Variants in PPP2R1A observed in about 807,000 individuals in gnomAD.
The protein encoded by PPP2R1A is serine/threonine-protein phosphatase 2A 65 kDa regulatory subunit A alpha isoform.
Under a neutral mutation model 67.1 loss-of-function variants are expected in PPP2R1A, and 15 were observed. The observed-to-expected ratio is 0.22, with a 90% CI of 0.15 to 0.34. PPP2R1A has a LOEUF of 0.34. Among genes scored for constraint, PPP2R1A ranks in the 10% least tolerant of loss-of-function variants. The pLI, the probability that PPP2R1A is intolerant of heterozygous loss-of-function variation, is 1.00. For missense variants in PPP2R1A, 369 were observed against 775.0 expected, an observed-to-expected ratio of 0.48 and a Z score of 6.22; for synonymous variants, 337 against 325.0, an observed-to-expected ratio of 1.04 and a Z score of -0.40.
chr19:52,201,374 T>C (rs2089547238), intron 1 of PPP2R1A: 1 of 152,436 alleles, frequency 6.6e-6, no homozygotes, highest in African/African-American at 2.4e-5. Flanking sequence ...GTTTGTTCTT[T>C]TACAATCACT....
At chr19:52,190,423 T>G (rs1301208371) in intron 1 of PPP2R1A, 12 of 565,770 alleles carry the variant, frequency 2.1e-5, no homozygotes, top group Non-Finnish European at 3.5e-5. Context: ...CGCGCGGCGG[T>G]CCGCGGTCCT....
intron 1 of PPP2R1A, among the ~76,000 whole-genome samples, chr19:52,197,993 T>C (rs1029339394): frequency 2.0e-5 from 3 of 152,238 alleles, no homozygotes; most frequent in Non-Finnish European, 2.9e-5. Flanking sequence ...ACGATGTCCT[T>C]CTTAATAATC....
chr19:52,219,596 T>G lies in PPP2R1A; in HGVS notation c.1129-95T>G, dbSNP rs557506535. The G allele has an allele frequency of 7.7e-7, 1 of 1,302,836 alleles. No homozygotes were observed. Among genetic ancestry groups the G allele is most frequent in the African/African-American group, 1.5e-5 (1 of 68,206 alleles). The allele number at this position is 1,302,836 out of a possible 1,614,324, so 80.7% of individuals were successfully genotyped here. On this transcript the variant is annotated intron_variant, in intron 9 of 14. Coordinates refer to ENST00000322088, the MANE Select transcript of PPP2R1A (RefSeq NM_014225.6). This position sits in a 1 kb window ranked among gnomAD's most constrained non-coding sequence, Gnocchi z 4.0. Reference sequence around the variant, plus strand: ...TGGACAGGAGTAGTCCCTCGGGAGATGTCCATAAAAGTTGATGCAGCTGAG... The same window carrying G: ...TGGACAGGAGTAGTCCCTCGGGAGAGGTCCATAAAAGTTGATGCAGCTGAG...
chr19:52,203,384 TAATA>T (rs1183259086), intron 2 of PPP2R1A, among the ~76,000 whole-genome samples: 1 of 152,124 alleles, frequency 6.6e-6, no homozygotes, highest in Non-Finnish European at 1.5e-5. Flanking sequence ...CATGGCAGGA[TAATA>T]AAGTGGTGAA....
intron 1 of PPP2R1A, among the ~76,000 whole-genome samples, chr19:52,194,615 G>A (rs1013471706): frequency 5.9e-5 from 9 of 151,938 alleles, no homozygotes; most frequent in African/African-American, 1.9e-4. Flanking sequence ...GTTGAGGGGG[G>A]CTGATGGGAT....
At chr19:52,221,920 G>A in intron 12 of PPP2R1A, 179 bp from the exon 13 acceptor site, 1 of 559,098 alleles carries the variant, frequency 1.8e-6, no homozygotes, top group Non-Finnish European at 3.0e-6. Context: ...GAGAAACTGG[G>A]ACATGGTGTT....
chr19:52,222,137 G>A lies in PPP2R1A; in HGVS notation c.1557G>A (p.Lys519=), dbSNP rs1192667872. The A allele has an allele frequency of 2.5e-6, 4 of 1,613,988 alleles. No individual in the cohort carries two copies. Among genetic ancestry groups the A allele is most frequent in the African/African-American group, 1.3e-5 (1 of 75,044 alleles). The part of the protein sequence containing the change: ...SEVCGQDITT[K]HMLPTVLRMA... ...TCTGTGGGCAGGACATCACCACCAA[G>A]CACATGCTACCCACGGTTCTGCGCA... The change falls in exon 13 of 15, where the codon AAG becomes AAA. Residue 519 remains lysine (K), a synonymous_variant. Coordinates refer to ENST00000322088, the MANE Select transcript of PPP2R1A (RefSeq NM_014225.6).
At chr19:52,190,268 G>C (rs988945916) in intron 1 of PPP2R1A, 94 bp downstream of exon 1, 2 of 1,374,408 alleles carry the variant, frequency 1.5e-6, no homozygotes, top group Non-Finnish European at 2.0e-6. Context: ...CGCTGGGAGT[G>C]GCGGAAGGGG....
intron 13 of PPP2R1A, among the ~76,000 whole-genome samples, chr19:52,222,912 T>G (rs908500839): frequency 6.6e-6 from 1 of 152,172 alleles, no homozygotes; most frequent in African/African-American, 2.4e-5. Flanking sequence ...TATTCACGGA[T>G]GGGACAGTTC....
chr19:52,203,459 GC>G (rs1345982892), intron 2 of PPP2R1A, among the ~76,000 whole-genome samples: 1 of 152,134 alleles, frequency 6.6e-6, no homozygotes, highest in Non-Finnish European at 1.5e-5. Flanking sequence ...CCACTGACTT[GC>G]TAGGAAAACC....
In PPP2R1A at chr19:52,220,218, C is replaced by T; in HGVS notation, c.1332C>T (p.Asn444=). 1 of 1,614,064 alleles carries T rather than the reference C, an allele frequency of 6.2e-7. No homozygotes were observed. The highest frequency in any genetic ancestry group is 1.1e-5 in the South Asian group (1 of 91,086). The part of the protein sequence containing the change: ...LGVEFFDEKL[N]SLCMAWLVDH... ...TGGAGTTCTTTGATGAGAAACTTAA[C>T]TCCTTGTGCATGGCCTGGCTTGTGG... The change falls in exon 11 of 15, where the codon AAC becomes AAT. Residue 444 remains asparagine, a synonymous_variant. Transcript: ENST00000322088.
chr19:52,209,804 G>A (rs2089647319), intron 3 of PPP2R1A, among the ~76,000 whole-genome samples: 1 of 152,206 alleles, frequency 6.6e-6, no homozygotes, highest in East Asian at 1.9e-4. Flanking sequence ...ACATCTTCAA[G>A]GTTCATCCAT....
At position 52,219,972 on chromosome 19, in the gene PPP2R1A, C is replaced by G. The variant is rs1978815096; in HGVS notation, c.1302+108C>G. On this transcript the variant is annotated intron_variant, in intron 10 of 14. Coordinates refer to ENST00000322088, the MANE Select transcript of PPP2R1A (RefSeq NM_014225.6). This position sits in a 1 kb window ranked among gnomAD's most constrained non-coding sequence, Gnocchi z 4.0. ...TTTGAAGGCTTAGTGGAGGCTGTGACAACTGCCTGGGGAGTCGAAGGAAGG... is the reference window on the plus strand; with the variant it reads ...TTTGAAGGCTTAGTGGAGGCTGTGAGAACTGCCTGGGGAGTCGAAGGAAGG... 7.2e-7 allele frequency: 1 copy of G among 1,388,804 alleles called. No homozygotes were observed. 86.0% of individuals were successfully genotyped at this position (1,388,804 alleles called of 1,614,324 possible).
At chr19:52,192,715 G>A (rs1480469540) in intron 1 of PPP2R1A, among the ~76,000 whole-genome samples, 1 of 152,084 alleles carries the variant, frequency 6.6e-6, no homozygotes, top group Non-Finnish European at 1.5e-5. Flanking sequence ...CATTTGTAGG[G>A]AGATGTCTTT....
chr19:52,192,749 C>T (rs2089466143), intron 1 of PPP2R1A, among the ~76,000 whole-genome samples: 1 of 152,154 alleles, frequency 6.6e-6, no homozygotes, highest in Admixed American at 6.5e-5. Flanking sequence ...AGCTAGGCAG[C>T]TTACCGGTTT....
intron 12 of PPP2R1A, 104 bp from the exon 13 acceptor site, chr19:52,221,995 C>G (rs1299816022): frequency 1.6e-6 from 2 of 1,240,304 alleles, no homozygotes; most frequent in East Asian, 2.6e-5. Flanking sequence ...TGCTCAGCCT[C>G]TGTGGGGCCT....
At position 52,213,124 on chromosome 19, in the gene PPP2R1A, C is replaced by T. The variant is rs200342605; in HGVS notation, c.807+14C>T. The T allele has an allele frequency of 1.1e-4, 173 of 1,539,944 alleles. No homozygotes were observed. The highest frequency in any genetic ancestry group is 9.9e-5 in the Admixed American group (5 of 50,644). ...AAGTTCACAGAGGTAGATGAGCGAC[C>T]GTTGACATTGTCCCACTGGTGGGGA... On this transcript the variant is annotated intron_variant, in intron 6 of 14. Transcript: ENST00000322088. The surrounding 1 kb of genome is among the most constrained non-coding windows in gnomAD (Gnocchi z 4.2).
rs10422483 is a variant in PPP2R1A at position 52,211,181 on chromosome 19, T to A, written c.271-79T>A. 115,002 of 1,368,898 alleles carry A rather than the reference T, an allele frequency of 0.084. 5,439 individuals carry two copies. The highest frequency in any genetic ancestry group is 0.19 in the African/African-American group (13,280 of 69,676). 84.8% of individuals were successfully genotyped at this position (1,368,898 alleles called of 1,614,324 possible). ...AGTTTTCTCTGAGGAGATGAGCCCA[T>A]GATGGGGTGCAGGATGGGGCTCCAG... On this transcript the variant is annotated intron_variant, in intron 3 of 14. Coordinates refer to ENST00000322088, the MANE Select transcript of PPP2R1A (RefSeq NM_014225.6). This position sits in a 1 kb window ranked among gnomAD's most constrained non-coding sequence, Gnocchi z 5.3.
rs1224323180 is a variant in PPP2R1A, at chr19:52,228,230, C to G, written c.*2249C>G. 2.6e-5 allele frequency: 4 copies of G among 152,098 alleles called. No homozygotes were observed. The highest frequency in any genetic ancestry group is 2.6e-4 in the Admixed American group (4 of 15,244). The allele number at this position is 152,098 out of a possible 1,614,324, so 9.4% of individuals were successfully genotyped here. A position where few individuals can be genotyped will look rare whatever the true frequency, so the allele number is the denominator to read the frequency against. On this transcript the variant is annotated 3_prime_UTR_variant, in exon 15 of 15. Coordinates refer to ENST00000322088, the MANE Select transcript of PPP2R1A (RefSeq NM_014225.6). ...CAGGAGGTGGAGGTGCGATGGATAC[C>G]CAGGATGTGCTGGGTAATGAGGTGA...
Sources: gnomAD v4.1 joint callset for allele counts (sites outside exome capture counted in the v4.1 genomes callset) on GRCh38, gnomAD v4.1.1 for gene constraint, Gnocchi (gnomAD v3.1) non-coding constraint, MANE v1.5 for transcripts, NCBI Gene and HGNC (gene_info 2026-07-23, HGNC 2026-07-21) for gene names.